The following BNIP2 variants were observed in gnomAD, a reference collection of about 807,000 sequenced individuals.
The protein encoded by BNIP2 is BCL2 interacting protein 2, also known as BCL2/adenovirus E1B 19 kDa protein-interacting protein 2.
BNIP2 carries 36 observed loss-of-function variants against 43.4 expected under a neutral mutation model. That is an observed-to-expected ratio of 0.83 (90% CI 0.64 to 1.10). The LOEUF (loss-of-function observed/expected upper bound fraction) is 1.10. Among genes scored for constraint, BNIP2 ranks in the 50% least tolerant of loss-of-function variants. BNIP2 has a pLI of 0.00. For synonymous variants in BNIP2, 146 were observed against 121.0 expected (o/e 1.21, Z -1.35); for missense variants, 417 against 374.1 (o/e 1.11, Z -0.95).
intron 1 of BNIP2, among the ~76,000 whole-genome samples, chr15:59,683,586 G>A (rs6151474): frequency 0.33 from 50,024 of 152,100 alleles, 8,564 homozygotes; most frequent in East Asian, 0.54. Context: ...GGAGGCCGAG[G>A]TGGGCGGATC....
chr15:59,659,595 G>A lies in BNIP2; in HGVS notation c.*4474C>T, dbSNP rs1398355897. Reference sequence around the variant, plus strand: ...CAAATAAACAAGCAACTGTTAAACGGACATTAAACTTTACAAAGTCCACAT... The same window carrying A: ...CAAATAAACAAGCAACTGTTAAACGAACATTAAACTTTACAAAGTCCACAT... On this transcript the variant is annotated 3_prime_UTR_variant, in exon 10 of 10. Transcript: ENST00000607373. 6.6e-6 allele frequency: 1 copy of A among 152,152 alleles called. No homozygotes were observed. The highest frequency in any genetic ancestry group is 2.4e-5 in the African/African-American group (1 of 41,422). 9.4% of individuals were successfully genotyped at this position (152,152 alleles called of 1,614,324 possible).
chr15:59,669,105 T>C (rs1892743267), intron 8 of BNIP2, 115 bp from the exon 9 acceptor site: 1 of 1,141,652 alleles, frequency 8.8e-7, no homozygotes, highest in Non-Finnish European at 1.3e-6. Context: ...AAAAAGATGA[T>C]AAATGTCTGA....
intron 5 of BNIP2, among the ~76,000 whole-genome samples, chr15:59,674,120 AC>A (rs1243855694): frequency 1.3e-5 from 2 of 151,956 alleles, no homozygotes; most frequent in African/African-American, 2.4e-5. Context: ...AAACAAAAAA[AC>A]AAACTAAATT....
rs1710144549 is a variant in BNIP2 at position 59,660,701 on chromosome 15, T to G, written c.*3368A>C. The G allele has an allele frequency of 6.6e-6, 1 of 152,188 alleles. No individual in the cohort carries two copies. Among genetic ancestry groups the G allele is most frequent in the South Asian group, 2.1e-4 (1 of 4,834 alleles). The allele number at this position is 152,188 out of a possible 1,614,324, so 9.4% of individuals were successfully genotyped here. On this transcript the variant is annotated 3_prime_UTR_variant, in exon 10 of 10. Coordinates refer to ENST00000607373, the MANE Select transcript of BNIP2 (RefSeq NM_004330.4). ...CTAGCTACAGATATATGCTTGCCAA[T>G]CAGCATATTTCAGTATTCAGTGCAC...
In BNIP2 at chr15:59,689,181, G is replaced by C; in HGVS notation, c.-104C>G. 1 of 1,538,804 alleles carries C rather than the reference G, an allele frequency of 6.5e-7. No individual in the cohort carries two copies. The highest frequency in any genetic ancestry group is 8.7e-7 in the Non-Finnish European group (1 of 1,146,450). On this transcript the variant is annotated 5_prime_UTR_variant, in exon 1 of 10. Coordinates refer to ENST00000607373, the MANE Select transcript of BNIP2 (RefSeq NM_004330.4). Reference sequence around the variant, plus strand: ...CTCGTCCTCTTCGCCCCTCCAGGCCGGCGACGTGGGGCTGACGGCCAGGTC... The same window carrying C: ...CTCGTCCTCTTCGCCCCTCCAGGCCCGCGACGTGGGGCTGACGGCCAGGTC...
chr15:59,678,235 G>A, intron 4 of BNIP2, 148 bp from the exon 5 acceptor site: 1 of 1,379,642 alleles, frequency 7.2e-7, no homozygotes, highest in Non-Finnish European at 9.3e-7. Context: ...AGGAGGAAAA[G>A]GCTTATTCTT....
At chr15:59,687,970 G>T (rs6151446) in intron 1 of BNIP2, among the ~76,000 whole-genome samples, 58,357 of 151,882 alleles carry the variant, frequency 0.38, 11,685 homozygotes, top group East Asian at 0.56. Flanking sequence ...TTATACAGAA[G>T]AAGCCTGTAA....
At chr15:59,680,752 G>A (rs1010477671) in intron 2 of BNIP2, among the ~76,000 whole-genome samples, 1 of 152,096 alleles carries the variant, frequency 6.6e-6, no homozygotes, top group African/African-American at 2.4e-5. Context: ...GGACTACAGT[G>A]GCACACCAAC....
At chr15:59,678,771 C>G (rs946834851) in intron 4 of BNIP2, 2 of 1,300,914 alleles carry the variant, frequency 1.5e-6, no homozygotes, top group Non-Finnish European at 1.0e-6. Flanking sequence ...GAGGGGGAAA[C>G]CTACTGCATG....
chr15:59,669,904 C>T (rs1161848150), intron 7 of BNIP2, among the ~76,000 whole-genome samples: 1 of 152,188 alleles, frequency 6.6e-6, no homozygotes, highest in African/African-American at 2.4e-5. Context: ...TTGTATTATG[C>T]ATATTTCACA....
intron 1 of BNIP2, among the ~76,000 whole-genome samples, 200 bp from the exon 2 acceptor site, chr15:59,682,714 A>T (rs1270559200): frequency 6.6e-6 from 1 of 152,106 alleles, no homozygotes; most frequent in Non-Finnish European, 1.5e-5. Flanking sequence ...GGAAAGTTAA[A>T]TACTGTTTAT....
Position 59,669,332 on chromosome 15 carries a change from AATG to A in BNIP2, c.735_737del (p.Ile246del). On this transcript the variant is annotated inframe_deletion, in exon 8 of 10. Coordinates refer to ENST00000607373, the MANE Select transcript of BNIP2 (RefSeq NM_004330.4). ...TTCTGATAAACCAAGAAGGATGTAC[AATG>A]ATTAGGGATTTTAGATTTTTCCGTA... The A allele has an allele frequency of 6.5e-7, 1 of 1,544,444 alleles. No homozygotes were observed. The highest frequency in any genetic ancestry group is 1.3e-5 in the South Asian group (1 of 75,730).
chr15:59,672,874 A>T (rs1893023078), intron 5 of BNIP2, 135 bp from the exon 6 acceptor site: 4 of 602,404 alleles, frequency 6.6e-6, no homozygotes, highest in South Asian at 5.2e-5. Flanking sequence ...TATGTTTTGT[A>T]AATCTTATAT....
At chr15:59,678,728 T>TC in intron 4 of BNIP2, 1 of 1,233,926 alleles carries the variant, frequency 8.1e-7, no homozygotes, top group Non-Finnish European at 1.0e-6. Context: ...TTTTCAAAAT[T>TC]TCAGTATTAT....
At chr15:59,682,600 T>C in intron 1 of BNIP2, 86 bp from the exon 2 acceptor site, 1 of 1,043,556 alleles carries the variant, frequency 9.6e-7, no homozygotes, top group Non-Finnish European at 1.4e-6. Flanking sequence ...TATTAGTTCA[T>C]ACTTGATGTT....
chr15:59,685,991 A>G (rs1233625675), intron 1 of BNIP2, among the ~76,000 whole-genome samples: 3 of 152,198 alleles, frequency 2.0e-5, no homozygotes, highest in Non-Finnish European at 2.9e-5. Context: ...CTTTAAGATG[A>G]TATTTGTTAA....
intron 5 of BNIP2, among the ~76,000 whole-genome samples, chr15:59,673,144 A>G (rs1189851664): frequency 2.1e-5 from 3 of 141,350 alleles, no homozygotes; most frequent in Non-Finnish European, 3.1e-5. Context: ...TTTTAGATGG[A>G]GTCTCGTTCT....
At chr15:59,667,776 G>C (rs1416390435) in intron 9 of BNIP2, among the ~76,000 whole-genome samples, 1 of 152,204 alleles carries the variant, frequency 6.6e-6, no homozygotes, top group African/African-American at 2.4e-5. Flanking sequence ...TGGTGAAACA[G>C]ATAAAGTCTT....
intron 5 of BNIP2, chr15:59,677,329 C>T (rs1345663872): frequency 3.8e-6 from 6 of 1,561,400 alleles, no homozygotes; most frequent in African/African-American, 2.7e-5. Context: ...TGAGCCCCAG[C>T]GTTCAGAAGG....
Sources: gnomAD v4.1 joint callset for allele counts (sites outside exome capture counted in the v4.1 genomes callset) on GRCh38, gnomAD v4.1.1 for gene constraint, MANE v1.5 for transcripts, NCBI Gene and HGNC (gene_info 2026-07-23, HGNC 2026-07-21) for gene names.